RBFOX1: variants seen among roughly 807,000 people sequenced by gnomAD.
RBFOX1 encodes the protein RNA binding fox-1 homolog 1, also known as RNA binding protein fox-1 homolog 1.
A neutral mutation model predicts 57.7 loss-of-function variants in RBFOX1; 8 were observed. That is an observed-to-expected ratio of 0.14 (90% confidence interval 0.08 to 0.25). The LOEUF (loss-of-function observed/expected upper bound fraction) is 0.25. Ranked by LOEUF, RBFOX1 falls within the 10% of genes least tolerant of loss-of-function variation. The pLI is 1.00. For missense variants in RBFOX1, 611 were observed against 548.5 expected (o/e 1.11, Z -1.14); for synonymous variants, 326 against 222.4 (o/e 1.47, Z -4.15).
chr16:6,393,945 G>A (rs2092712378), intron 2 of RBFOX1, among the ~76,000 whole-genome samples: 1 of 152,194 alleles, frequency 6.6e-6, no homozygotes, highest in Non-Finnish European at 1.5e-5. Context: ...GAAGAAAAGT[G>A]GGAGAGGTAG....
At chr16:7,214,832 T>G (rs2091765534) in intron 4 of RBFOX1, among the ~76,000 whole-genome samples, 1 of 152,036 alleles carries the variant, frequency 6.6e-6, no homozygotes, top group Admixed American at 6.6e-5. Context: ...TCTGCATATA[T>G]GAGATTAGAA....
At position 7,531,577 on chromosome 16, in the gene RBFOX1, G is replaced by T. The variant is rs867810591; in HGVS notation, c.270+13188G>T. Among the ~76,000 whole-genome samples the T allele has an allele frequency of 8.5e-5, 13 of 152,184 alleles. No homozygotes were observed. The South Asian group carries it at 1.9e-3, about 22-fold the overall frequency. ...CACTGTCTTACCCAGTCCATGCTGG[G>T]GTCTTCCATGAGCCATGCACTATGT... On this transcript the variant is annotated intron_variant, in intron 5 of 15. Transcript: ENST00000550418.
At chr16:5,839,989 C>T (rs1374320372) in intron 3 of RBFOX1, among the ~76,000 whole-genome samples, 2 of 152,108 alleles carry the variant, frequency 1.3e-5, no homozygotes, top group Non-Finnish European at 2.9e-5. Flanking sequence ...ACAGTGTCTG[C>T]CACAAGCATC....
chr16:7,533,237 A>C (rs1468321079), intron 5 of RBFOX1, among the ~76,000 whole-genome samples: 1 of 152,220 alleles, frequency 6.6e-6, no homozygotes, highest in Non-Finnish European at 1.5e-5. Context: ...GGACTGATGA[A>C]TTACATTTTA....
At chr16:7,381,258 A>T (rs986109835) in intron 4 of RBFOX1, among the ~76,000 whole-genome samples, 5 of 152,144 alleles carry the variant, frequency 3.3e-5, no homozygotes, top group Non-Finnish European at 7.4e-5. Context: ...GGAAATTTTT[A>T]TGGGCCCTGA....
intron 1 of RBFOX1, among the ~76,000 whole-genome samples, chr16:6,049,923 G>C (rs1404002694): frequency 4.0e-5 from 6 of 150,540 alleles, no homozygotes. Flanking sequence ...TCTTTAAAAG[G>C]CCATTTTACT....
intron 1 of RBFOX1, among the ~76,000 whole-genome samples, chr16:6,236,085 A>G (rs565822271): frequency 1.3e-5 from 2 of 152,368 alleles, no homozygotes; most frequent in South Asian, 2.1e-4. Context: ...TTGCTGGACT[A>G]GAGTTTCTCA....
chr16:5,567,368 A>G lies in RBFOX1; in HGVS notation c.259-31534A>G, dbSNP rs1018861995. The stretch of plus-strand genomic sequence containing the variant: ...TAGCTAACGTGTATCATTCTGTACA[A>G]TGTTCCAAGCTCACTCTTAAGTATA... On this transcript the variant is annotated intron_variant, in intron 2 of 2. Coordinates refer to the RBFOX1 transcript ENST00000585867. Among the ~76,000 whole-genome samples the G allele has an allele frequency of 4.6e-4, 70 of 152,252 alleles. 2 individuals carry two copies. The highest frequency in any genetic ancestry group is 1.7e-3 in the Admixed American group (26 of 15,296).
intron 1 of RBFOX1, among the ~76,000 whole-genome samples, chr16:5,241,701 C>T (rs1181277041): frequency 3.3e-5 from 5 of 152,190 alleles, no homozygotes; most frequent in Non-Finnish European, 7.3e-5. Context: ...AAGCACTTAG[C>T]GTTGTGCCTG....
chr16:6,672,631 A>G (rs576189355), intron 3 of RBFOX1, among the ~76,000 whole-genome samples: 1 of 152,176 alleles, frequency 6.6e-6, no homozygotes. Context: ...CTTCAGGTAC[A>G]CATGGATCCA....
At chr16:5,558,992 C>T (rs1198330634) in intron 2 of RBFOX1, among the ~76,000 whole-genome samples, 2 of 152,108 alleles carry the variant, frequency 1.3e-5, no homozygotes, top group Non-Finnish European at 2.9e-5. Flanking sequence ...TGATCCCACA[C>T]TCTCACACTT....
At chr16:6,413,508 A>T (rs2093532747) in intron 2 of RBFOX1, among the ~76,000 whole-genome samples, 1 of 152,160 alleles carries the variant, frequency 6.6e-6, no homozygotes, top group African/African-American at 2.4e-5. Flanking sequence ...TGAAATTTTT[A>T]GTCGGCTATC....
At chr16:5,426,193 C>T (rs981469898) in intron 1 of RBFOX1, among the ~76,000 whole-genome samples, 2 of 152,074 alleles carry the variant, frequency 1.3e-5, no homozygotes, top group Non-Finnish European at 2.9e-5. Flanking sequence ...GGTGCAATTG[C>T]GGGGCACGTT....
In RBFOX1 at chr16:6,865,527, A is replaced by G. The variant is rs115102680; in HGVS notation, c.-15-186530A>G. Among the ~76,000 whole-genome samples, 784 of 152,226 alleles carry G rather than the reference A, an allele frequency of 5.2e-3. 12 individuals carry two copies. Among genetic ancestry groups the G allele is most frequent in the African/African-American group, 0.018 (746 of 41,534 alleles). Reference sequence around the variant, plus strand: ...AACACATGGTTAATGACTTGCTACTATGCTGCAGGAATTGTATCAGGTGGT... The same window carrying G: ...AACACATGGTTAATGACTTGCTACTGTGCTGCAGGAATTGTATCAGGTGGT... On this transcript the variant is annotated intron_variant, in intron 3 of 15. Transcript: ENST00000550418.
intron 3 of RBFOX1, among the ~76,000 whole-genome samples, chr16:5,607,909 C>T (rs1280316394): frequency 6.6e-6 from 1 of 152,156 alleles, no homozygotes. Context: ...TATGATTGGA[C>T]CATAATGTAT....
At chr16:6,677,263 T>C (rs1303804294) in intron 3 of RBFOX1, among the ~76,000 whole-genome samples, 1 of 152,208 alleles carries the variant, frequency 6.6e-6, no homozygotes, top group Non-Finnish European at 1.5e-5. Context: ...ATTTAGCTCC[T>C]GTTAGAAGGC....
intron 4 of RBFOX1, among the ~76,000 whole-genome samples, chr16:7,196,053 A>T (rs902162694): frequency 6.6e-6 from 1 of 151,798 alleles, no homozygotes; most frequent in Non-Finnish European, 1.5e-5. Flanking sequence ...AGCCTCCCAT[A>T]GGGAGTTTTA....
intron 2 of RBFOX1, among the ~76,000 whole-genome samples, chr16:6,616,908 C>G (rs1344181575): frequency 6.6e-6 from 1 of 152,206 alleles, no homozygotes. Context: ...GGAACACAGT[C>G]ATGCTCATTT....
At chr16:6,517,638 C>T (rs148181433) in intron 2 of RBFOX1, among the ~76,000 whole-genome samples, 1 of 152,118 alleles carries the variant, frequency 6.6e-6, no homozygotes, top group Non-Finnish European at 1.5e-5. Flanking sequence ...CATCAAACCC[C>T]TCGAGATAGT....
Sources: gnomAD v4.1 joint callset for allele counts (sites outside exome capture counted in the v4.1 genomes callset) on GRCh38, gnomAD v4.1.1 for gene constraint, MANE v1.5 for transcripts, NCBI Gene and HGNC (gene_info 2026-07-23, HGNC 2026-07-21) for gene names.